Variants in LRRC4C observed in about 807,000 individuals in gnomAD.
The protein encoded by LRRC4C is leucine rich repeat containing 4C.
In LRRC4C, 5 loss-of-function variants were observed where a neutral mutation model predicts 33.6. That is an observed-to-expected ratio of 0.15 (90% CI 0.08 to 0.31). The LOEUF is 0.31. LRRC4C is among the 10% of genes least tolerant of loss of function. The pLI, the probability that LRRC4C is intolerant of heterozygous loss-of-function variation, is 1.00. For missense variants in LRRC4C, 560 were observed against 796.7 expected (o/e 0.70, Z 3.58); for synonymous variants, 329 against 302.0 (o/e 1.09, Z -0.93).
intron 6 of LRRC4C, among the ~76,000 whole-genome samples, chr11:40,118,364 T>C (rs1332569658): frequency 1.3e-5 from 2 of 152,024 alleles, no homozygotes; most frequent in African/African-American, 4.8e-5. Context: ...CCAGATATTT[T>C]GCTAAGTAGT....
At chr11:40,141,293 T>C (rs1311245381) in intron 5 of LRRC4C, among the ~76,000 whole-genome samples, 2 of 152,104 alleles carry the variant, frequency 1.3e-5, no homozygotes, top group East Asian at 3.9e-4. Flanking sequence ...CAAATTCTAT[T>C]TGGGATTGCC....
intron 2 of LRRC4C, among the ~76,000 whole-genome samples, chr11:40,795,258 G>A (rs1224395294): frequency 6.6e-6 from 1 of 152,176 alleles, no homozygotes; most frequent in Non-Finnish European, 1.5e-5. Flanking sequence ...ACTGGGCGCG[G>A]TGGCTCACGC....
intron 5 of LRRC4C, among the ~76,000 whole-genome samples, chr11:40,142,660 T>C (rs377203679): frequency 6.6e-6 from 1 of 152,140 alleles, no homozygotes. Context: ...CAACATCCAT[T>C]GCTGGTTGTG....
chr11:41,129,939 T>C (rs1311803880), intron 1 of LRRC4C, among the ~76,000 whole-genome samples: 2 of 151,960 alleles, frequency 1.3e-5, no homozygotes, highest in Non-Finnish European at 2.9e-5. Context: ...ATCTTTCCTC[T>C]TATGGCTTCA....
At chr11:40,202,147 C>A (rs1172377731) in intron 5 of LRRC4C, among the ~76,000 whole-genome samples, 2 of 135,368 alleles carry the variant, frequency 1.5e-5, no homozygotes, top group Middle Eastern at 4.2e-3. Flanking sequence ...AGGAAAACAA[C>A]ACTTGGGAAA....
intron 1 of LRRC4C, among the ~76,000 whole-genome samples, chr11:40,981,248 T>C (rs1010394431): frequency 3.9e-5 from 6 of 152,062 alleles, no homozygotes; most frequent in African/African-American, 1.4e-4. Flanking sequence ...ACCCCGTCTC[T>C]ACTAAAAATA....
At chr11:40,207,023 G>A (rs1863210403) in intron 5 of LRRC4C, among the ~76,000 whole-genome samples, 1 of 152,100 alleles carries the variant, frequency 6.6e-6, no homozygotes, top group African/African-American at 2.4e-5. Context: ...AACAGTGATG[G>A]CAGCCCTCCA....
At chr11:41,084,858 A>G (rs975780723) in intron 1 of LRRC4C, among the ~76,000 whole-genome samples, 1 of 152,164 alleles carries the variant, frequency 6.6e-6, no homozygotes, top group Non-Finnish European at 1.5e-5. Flanking sequence ...AAAACAAACA[A>G]AAAACAAACA....
At chr11:40,862,402 G>A (rs961987692) in intron 2 of LRRC4C, among the ~76,000 whole-genome samples, 1 of 152,074 alleles carries the variant, frequency 6.6e-6, no homozygotes, top group African/African-American at 2.4e-5. Flanking sequence ...TTTGTAGGAG[G>A]CAAAGAATCA....
At chr11:40,365,468 C>G (rs67842779) in intron 3 of LRRC4C, among the ~76,000 whole-genome samples, 1 of 151,784 alleles carries the variant, frequency 6.6e-6, no homozygotes. Context: ...TAAGTTCTGC[C>G]GGTTTTTTTA....
chr11:40,562,123 G>T (rs1380723657), intron 3 of LRRC4C, among the ~76,000 whole-genome samples: 1 of 152,168 alleles, frequency 6.6e-6, no homozygotes, highest in Non-Finnish European at 1.5e-5. Context: ...GAAGATTTCA[G>T]TCTAAACACT....
intron 2 of LRRC4C, among the ~76,000 whole-genome samples, chr11:40,717,173 C>A (rs1041984449): frequency 6.6e-6 from 1 of 152,132 alleles, no homozygotes; most frequent in Middle Eastern, 3.4e-3. Context: ...GGGCAAATTC[C>A]GTTTATTTGT....
At chr11:40,270,395 G>A (rs777530956) in intron 4 of LRRC4C, among the ~76,000 whole-genome samples, 7 of 151,528 alleles carry the variant, frequency 4.6e-5, no homozygotes, top group Non-Finnish European at 1.0e-4. Flanking sequence ...TGCACATCTG[G>A]GTCCAGATTT....
chr11:40,119,688 T>C (rs1855687014), intron 6 of LRRC4C, among the ~76,000 whole-genome samples: 1 of 152,340 alleles, frequency 6.6e-6, no homozygotes, highest in Non-Finnish European at 1.5e-5. Context: ...TTTTTGTGTT[T>C]TCTGATGTTC....
chr11:40,651,573 G>A lies in LRRC4C; in HGVS notation c.-406-3295C>T, dbSNP rs1289680141. On this transcript the variant is annotated intron_variant, in intron 2 of 6. Transcript: ENST00000528697. ...CCTCTATAAGCTAGGTACCAGTTAA[G>A]CGATTTCCATGCATTGTCTAATTTA... Among the ~76,000 whole-genome samples, 6 of 152,222 alleles carry A rather than the reference G, an allele frequency of 3.9e-5. No individual in the cohort carries two copies. The East Asian group carries it at 1.2e-3, about 29-fold the overall frequency.
At position 40,114,248 on chromosome 11, in the gene LRRC4C, T is replaced by C. The variant is rs1475760515; in HGVS notation, c.*122A>G. On this transcript the variant is annotated 3_prime_UTR_variant, in exon 7 of 7. Transcript: ENST00000528697. ...GAATTTTTAATAAATAAATTTCTTT[T>C]CTTTTTTGTTTTTTTGTAAAGACAC... 1 of 1,105,898 alleles carries C rather than the reference T, an allele frequency of 9.0e-7. No individual in the cohort carries two copies. Among genetic ancestry groups the C allele is most frequent in the Admixed American group, 3.3e-5 (1 of 30,466 alleles). 68.5% of individuals were successfully genotyped at this position (1,105,898 alleles called of 1,614,324 possible). A position where few individuals can be genotyped will look rare whatever the true frequency, so the allele number is the denominator to read the frequency against.
At chr11:40,281,071 GAGAA>G (rs1943441862) in intron 4 of LRRC4C, among the ~76,000 whole-genome samples, 1 of 152,192 alleles carries the variant, frequency 6.6e-6, no homozygotes. Context: ...CAGAGAGGGT[GAGAA>G]AGAGAGGGAA....
intron 3 of LRRC4C, among the ~76,000 whole-genome samples, chr11:40,465,705 G>C (rs969594446): frequency 6.6e-6 from 1 of 151,870 alleles, no homozygotes; most frequent in Non-Finnish European, 1.5e-5. Context: ...AATGCTCAAC[G>C]TTATTAATCA....
intron 1 of LRRC4C, among the ~76,000 whole-genome samples, chr11:41,235,676 A>G (rs1947990371): frequency 6.6e-6 from 1 of 152,138 alleles, no homozygotes. Context: ...CCATGTAAAC[A>G]AAAGCTTAAA....
Sources: gnomAD v4.1 joint callset for allele counts (sites outside exome capture counted in the v4.1 genomes callset) on GRCh38, gnomAD v4.1.1 for gene constraint, MANE v1.5 for transcripts, NCBI Gene and HGNC (gene_info 2026-07-23, HGNC 2026-07-21) for gene names.